The following EPHB1 variants were observed in gnomAD, a reference collection of about 807,000 sequenced individuals.
EPHB1 encodes EPH receptor B1, also known as ephrin type-B receptor 1.
In EPHB1, 30 loss-of-function variants were observed where a neutral mutation model predicts 94.4. The observed-to-expected ratio is 0.32, with a 90% confidence interval of 0.24 to 0.43. The LOEUF (loss-of-function observed/expected upper bound fraction) is 0.43, where lower values mean the gene tolerates loss of function less well. EPHB1 is among the 20% of genes least tolerant of loss of function. The pLI is 1.00. For missense variants in EPHB1, 1,055 were observed against 1,308.3 expected, an observed-to-expected ratio of 0.81 and a Z score of 2.99; for synonymous variants, 522 against 489.1, an observed-to-expected ratio of 1.07 and a Z score of -0.89.
At chr3:135,162,915 A>G (rs912053897) in intron 7 of EPHB1, among the ~76,000 whole-genome samples, 1 of 152,138 alleles carries the variant, frequency 6.6e-6, no homozygotes, top group African/African-American at 2.4e-5. Context: ...TTAGCTAGCC[A>G]TTTACCATAG....
At chr3:135,039,671 G>A (rs1265682966) in intron 3 of EPHB1, among the ~76,000 whole-genome samples, 1 of 152,226 alleles carries the variant, frequency 6.6e-6, no homozygotes, top group Non-Finnish European at 1.5e-5. Context: ...CACTGGCCCG[G>A]CTGCTAAGTC....
chr3:135,008,684 G>A (rs754450335), intron 3 of EPHB1, among the ~76,000 whole-genome samples: 2 of 152,158 alleles, frequency 1.3e-5, no homozygotes, highest in African/African-American at 4.8e-5. Context: ...TGTCTCAAAG[G>A]GTGTCTCGTT....
At chr3:135,183,373 G>T (rs1450260249) in intron 10 of EPHB1, among the ~76,000 whole-genome samples, 1 of 151,760 alleles carries the variant, frequency 6.6e-6, no homozygotes, top group African/African-American at 2.4e-5. Flanking sequence ...GGTTGCAGAA[G>T]AACTACCCTG....
intron 3 of EPHB1, among the ~76,000 whole-genome samples, chr3:135,090,129 G>A (rs915550603): frequency 6.6e-6 from 1 of 152,152 alleles, no homozygotes; most frequent in East Asian, 1.9e-4. Context: ...CCAACCCTTC[G>A]CTGCCTCTGT....
intron 1 of EPHB1, among the ~76,000 whole-genome samples, chr3:134,829,745 G>C (rs532115668): frequency 6.6e-6 from 1 of 152,152 alleles, no homozygotes; most frequent in East Asian, 1.9e-4. Flanking sequence ...ATTAAGATGA[G>C]GTCATACTGG....
At chr3:135,237,504 T>C (rs1054905115) in intron 12 of EPHB1, among the ~76,000 whole-genome samples, 53 of 152,022 alleles carry the variant, frequency 3.5e-4, no homozygotes, top group Non-Finnish European at 7.4e-5. Flanking sequence ...TTCCTCTTCT[T>C]CTCTTCTCCC....
chr3:134,868,936 C>T (rs886813550), intron 1 of EPHB1, among the ~76,000 whole-genome samples: 2 of 152,238 alleles, frequency 1.3e-5, no homozygotes, highest in African/African-American at 4.8e-5. Flanking sequence ...GGTTCTAGGC[C>T]TGCAGGGCCT....
At chr3:134,963,306 C>G (rs1359246094) in intron 3 of EPHB1, among the ~76,000 whole-genome samples, 1 of 151,864 alleles carries the variant, frequency 6.6e-6, no homozygotes, top group Non-Finnish European at 1.5e-5. Context: ...ATAAGTATGG[C>G]AAAAAGGAAT....
chr3:135,031,340 C>T (rs1168480930), intron 3 of EPHB1, among the ~76,000 whole-genome samples: 2 of 152,134 alleles, frequency 1.3e-5, no homozygotes, highest in Non-Finnish European at 2.9e-5. Flanking sequence ...GATGGGGTCT[C>T]ACTCTGTAGC....
chr3:134,814,396 G>T (rs762344365), intron 1 of EPHB1, among the ~76,000 whole-genome samples: 2 of 152,144 alleles, frequency 1.3e-5, no homozygotes, highest in Non-Finnish European at 2.9e-5. Flanking sequence ...GAAAGAAAAG[G>T]TACCTGAAAT....
chr3:135,135,310 G>T (rs1320955510), intron 5 of EPHB1, among the ~76,000 whole-genome samples: 4 of 152,138 alleles, frequency 2.6e-5, no homozygotes, highest in African/African-American at 9.7e-5. Flanking sequence ...TGTGGACTGA[G>T]GAACAGGGTG....
intron 12 of EPHB1, among the ~76,000 whole-genome samples, chr3:135,207,682 G>A (rs1339986728): frequency 6.6e-6 from 1 of 152,240 alleles, no homozygotes; most frequent in East Asian, 1.9e-4. Context: ...AACAGTCACT[G>A]TTTTAGTCAG....
intron 3 of EPHB1, among the ~76,000 whole-genome samples, chr3:134,996,755 T>C (rs1375773032): frequency 6.6e-6 from 1 of 152,118 alleles, no homozygotes; most frequent in Non-Finnish European, 1.5e-5. Context: ...AAAAATTGAT[T>C]GCCAGTTGGA....
intron 3 of EPHB1, among the ~76,000 whole-genome samples, chr3:135,095,661 G>A (rs1559827811): frequency 6.6e-6 from 1 of 152,108 alleles, no homozygotes; most frequent in Admixed American, 6.6e-5. Flanking sequence ...CTCCTCACTT[G>A]CCTATGGATC....
At chr3:135,096,316 C>A (rs981979706) in intron 3 of EPHB1, among the ~76,000 whole-genome samples, 4 of 152,180 alleles carry the variant, frequency 2.6e-5, no homozygotes, top group Admixed American at 2.6e-4. Context: ...ACAGCTAGAA[C>A]GTGGAAGTTT....
chr3:134,986,686 T>G (rs965674136), intron 3 of EPHB1, among the ~76,000 whole-genome samples: 1 of 149,986 alleles, frequency 6.7e-6, no homozygotes, highest in Admixed American at 6.7e-5. Context: ...AGGTTACTAT[T>G]ATAAACTTTT....
At chr3:135,204,650 G>T (rs948342157) in intron 12 of EPHB1, among the ~76,000 whole-genome samples, 1 of 150,612 alleles carries the variant, frequency 6.6e-6, no homozygotes, top group African/African-American at 2.4e-5. Flanking sequence ...ACAGATGTGC[G>T]CCACTATGCC....
intron 5 of EPHB1, among the ~76,000 whole-genome samples, chr3:135,135,517 T>G (rs1940590765): frequency 2.0e-5 from 3 of 152,164 alleles, no homozygotes; most frequent in Admixed American, 6.5e-5. Context: ...TCATAAAAAC[T>G]CTAATGACTC....
chr3:134,892,915 C>T (rs1404135199), intron 1 of EPHB1, among the ~76,000 whole-genome samples: 1 of 152,074 alleles, frequency 6.6e-6, no homozygotes, highest in Non-Finnish European at 1.5e-5. Flanking sequence ...TTTGCTGAGC[C>T]CCAGCTAGTT....
Sources: allele counts gnomAD v4.1 joint callset (sites outside exome capture counted in the v4.1 genomes callset), GRCh38; gene constraint gnomAD v4.1.1; transcripts MANE v1.5; gene names NCBI Gene and HGNC (gene_info 2026-07-23, HGNC 2026-07-21).